NELL2: variants seen among roughly 807,000 people sequenced by gnomAD.
NELL2 encodes neural EGFL like 2.
Under a neutral mutation model 109.6 loss-of-function variants are expected in NELL2, and 41 were observed. The observed-to-expected ratio is 0.37, with a 90% CI of 0.29 to 0.49. NELL2 has a LOEUF of 0.49. Among genes scored for constraint, NELL2 ranks in the 20% least tolerant of loss-of-function variants. The probability of loss-of-function intolerance (pLI) is 0.98; values close to 1 mark genes in which losing one functional copy is unlikely to be tolerated. For missense variants in NELL2, 900 were observed against 1,008.3 expected (o/e 0.89, Z 1.45); for synonymous variants, 355 against 344.7 (o/e 1.03, Z -0.33).
intron 13 of NELL2, among the ~76,000 whole-genome samples, chr12:44,614,544 T>C (rs1358785307): frequency 2.0e-5 from 3 of 151,868 alleles, no homozygotes; most frequent in Non-Finnish European, 2.9e-5. Flanking sequence ...AGTTCGTCCA[T>C]GGGAAAAAAA....
In NELL2 at chr12:44,640,438, T is replaced by C. The variant is rs972303431; in HGVS notation, c.1444+25046A>G. Reference sequence around the variant, plus strand: ...TCTGTCCATCTCTACAAATAATTGTTTTGCCTCCTTGAATTTCTATAAGCT... The same window carrying C: ...TCTGTCCATCTCTACAAATAATTGTCTTGCCTCCTTGAATTTCTATAAGCT... On this transcript the variant is annotated intron_variant, in intron 13 of 19. Transcript: ENST00000429094. 3.9e-5 allele frequency among the ~76,000 whole-genome samples: 6 copies of C among 152,324 alleles called. No homozygotes were observed. In the East Asian group the frequency reaches 9.6e-4, roughly 24 times the overall value.
intron 12 of NELL2, among the ~76,000 whole-genome samples, chr12:44,671,178 G>T (rs1016480623): frequency 2.6e-5 from 4 of 152,142 alleles, no homozygotes; most frequent in African/African-American, 9.7e-5. Context: ...TAAGCAACAT[G>T]TTCCTGAGCA....
chr12:44,680,392 T>C lies in NELL2; in HGVS notation c.1319-14783A>G, dbSNP rs1948457473. Among the ~76,000 whole-genome samples the C allele has an allele frequency of 2.0e-5, 3 of 152,204 alleles. No individual in the cohort carries two copies. In the South Asian group the frequency reaches 6.2e-4, roughly 31 times the overall value. ...TAAGTCCCATTTCTCCACCACTACA[T>C]TTCCTCTTGAAGATATGAACAATTT... On this transcript the variant is annotated intron_variant, in intron 12 of 19. Coordinates refer to ENST00000429094, the MANE Select transcript of NELL2 (RefSeq NM_001145108.2).
At chr12:44,920,193 G>A (rs1197194219) in intron 1 of NELL2, among the ~76,000 whole-genome samples, 1 of 151,988 alleles carries the variant, frequency 6.6e-6, no homozygotes. Flanking sequence ...AGAATAAACG[G>A]GGTCAAGAAA....
At chr12:44,608,690 T>G (rs1258889153) in intron 14 of NELL2, among the ~76,000 whole-genome samples, 1 of 151,706 alleles carries the variant, frequency 6.6e-6, no homozygotes, top group African/African-American at 2.4e-5. Flanking sequence ...TACATAGGAA[T>G]TTGTATCAAG....
intron 15 of NELL2, among the ~76,000 whole-genome samples, chr12:44,598,163 CAA>C (rs10538007): frequency 0.19 from 23,592 of 122,664 alleles, 1,886 homozygotes; most frequent in East Asian, 0.31. Context: ...TTTATTCTCT[CAA>C]AAAAAAAAAA....
At chr12:44,662,237 G>A (rs1290923537) in intron 13 of NELL2, among the ~76,000 whole-genome samples, 1 of 152,106 alleles carries the variant, frequency 6.6e-6, no homozygotes, top group Non-Finnish European at 1.5e-5. Context: ...TATAAGATCT[G>A]TAGGGTAAAA....
intron 15 of NELL2, among the ~76,000 whole-genome samples, chr12:44,582,292 G>A (rs1027283114): frequency 6.6e-6 from 1 of 152,116 alleles, no homozygotes; most frequent in Admixed American, 6.5e-5. Context: ...CAGTGCAGTT[G>A]TATGTTTTTC....
intron 2 of NELL2, among the ~76,000 whole-genome samples, chr12:44,827,069 A>T (rs1195225955): frequency 6.6e-6 from 1 of 152,244 alleles, no homozygotes; most frequent in Non-Finnish European, 1.5e-5. Context: ...CTTTTTTAAA[A>T]GACAATTTTA....
chr12:44,567,952 T>C (rs1325986117), intron 15 of NELL2, among the ~76,000 whole-genome samples: 1 of 152,124 alleles, frequency 6.6e-6, no homozygotes, highest in Non-Finnish European at 1.5e-5. Context: ...GAAAGGGGTA[T>C]ACAGGTAAAC....
intron 9 of NELL2, among the ~76,000 whole-genome samples, chr12:44,715,646 G>A (rs962058798): frequency 2.0e-5 from 3 of 151,914 alleles, no homozygotes; most frequent in African/African-American, 7.2e-5. Context: ...TCTTTGAAAG[G>A]CCACCCAATA....
chr12:44,759,849 A>T (rs912925682), intron 9 of NELL2, among the ~76,000 whole-genome samples: 3 of 152,136 alleles, frequency 2.0e-5, no homozygotes, highest in Non-Finnish European at 2.9e-5. Flanking sequence ...TTGCTGTAGG[A>T]AGGAGTGCCA....
rs11182648 is a variant in NELL2, at chr12:44,760,589, A to G, written c.994+14158T>C. 5.5e-3 allele frequency among the ~76,000 whole-genome samples: 842 copies of G among 152,284 alleles called. 11 individuals carry two copies. The highest frequency in any genetic ancestry group is 0.032 in the East Asian group (168 of 5,186). The stretch of plus-strand genomic sequence containing the variant: ...TGAGATAAATCCTAAAACCTACTCA[A>G]ATACATGTAAATATGTAAACATCTA... On this transcript the variant is annotated intron_variant, in intron 9 of 19. Coordinates refer to ENST00000429094, the MANE Select transcript of NELL2 (RefSeq NM_001145108.2).
At chr12:44,880,564 G>C (rs1019573666), upstream of NELL2, among the ~76,000 whole-genome samples, 1 of 151,912 alleles carries the variant, frequency 6.6e-6, no homozygotes, top group African/African-American at 2.4e-5. Context: ...TGGAATAACA[G>C]ACTAGAAAGA....
At chr12:44,685,363 T>C (rs1352837263) in intron 12 of NELL2, among the ~76,000 whole-genome samples, 2 of 152,154 alleles carry the variant, frequency 1.3e-5, no homozygotes, top group Non-Finnish European at 2.9e-5. Context: ...CTTGACTCTT[T>C]ATCCAATTTG....
chr12:44,793,840 G>C (rs1942520633), intron 3 of NELL2, among the ~76,000 whole-genome samples: 1 of 152,136 alleles, frequency 6.6e-6, no homozygotes, highest in Non-Finnish European at 1.5e-5. Flanking sequence ...TTTTGAAACA[G>C]AATGTCTTCA....
chr12:44,532,802 A>T, intron 15 of NELL2, 81 bp from the exon 16 acceptor site: 1 of 1,332,074 alleles, frequency 7.5e-7, no homozygotes, highest in Non-Finnish European at 1.0e-6. Context: ...GGCTACTAAA[A>T]TTTTTAATGC....
intron 13 of NELL2, among the ~76,000 whole-genome samples, chr12:44,623,964 C>T (rs1187639160): frequency 6.6e-6 from 1 of 151,616 alleles, no homozygotes; most frequent in Non-Finnish European, 1.5e-5. Context: ...GGGAGGGGAA[C>T]ATCACACACC....
At chr12:44,915,767 AT>A (rs1440411271), upstream of NELL2, among the ~76,000 whole-genome samples, 1 of 152,118 alleles carries the variant, frequency 6.6e-6, no homozygotes, top group Admixed American at 6.5e-5. Flanking sequence ...TGCCATCTGC[AT>A]TTTGTAGGAA....
Sources: gnomAD v4.1 joint callset for allele counts (sites outside exome capture counted in the v4.1 genomes callset) on GRCh38, gnomAD v4.1.1 for gene constraint, MANE v1.5 for transcripts, NCBI Gene and HGNC (gene_info 2026-07-23, HGNC 2026-07-21) for gene names.